Variants in NAALADL2 observed in about 807,000 individuals in gnomAD.
NAALADL2 encodes inactive N-acetylated-alpha-linked acidic dipeptidase-like protein 2.
In NAALADL2, 76 loss-of-function variants were observed where a neutral mutation model predicts 87.2. The observed-to-expected ratio is 0.87, with a 90% CI of 0.72 to 1.05. The LOEUF (loss-of-function observed/expected upper bound fraction) is 1.05, where lower values mean the gene tolerates loss of function less well. NAALADL2 is among the 50% of genes least tolerant of loss of function. The pLI is 0.00. For synonymous variants in NAALADL2, 354 were observed against 331.0 expected, an observed-to-expected ratio of 1.07 and a Z score of -0.75; for missense variants, 1,089 against 945.8, an observed-to-expected ratio of 1.15 and a Z score of -1.99.
At chr3:175,557,844 T>C (rs11915252) in intron 9 of NAALADL2, among the ~76,000 whole-genome samples, 97,935 of 152,038 alleles carry the variant, frequency 0.64, 34,165 homozygotes, top group East Asian at 0.84. Context: ...TGATGATTAA[T>C]GATATTGAGC....
intron 2 of NAALADL2, among the ~76,000 whole-genome samples, chr3:174,719,847 G>A (rs1731541756): frequency 1.3e-5 from 2 of 152,138 alleles, no homozygotes; most frequent in African/African-American, 4.8e-5. Context: ...AGCCTGGAGT[G>A]GAGTGCCAGC....
chr3:175,263,123 T>C (rs999921246), intron 4 of NAALADL2, among the ~76,000 whole-genome samples: 1 of 151,944 alleles, frequency 6.6e-6, no homozygotes, highest in African/African-American at 2.4e-5. Context: ...AATAGTTTAA[T>C]GTTTTGAAAG....
intron 4 of NAALADL2, among the ~76,000 whole-genome samples, chr3:175,303,214 G>T (rs1757302941): frequency 1.3e-5 from 2 of 152,008 alleles, no homozygotes; most frequent in Admixed American, 6.6e-5. Context: ...TTTGGCCCCA[G>T]AAATCATTGG....
chr3:175,689,681 C>T (rs925138642), intron 11 of NAALADL2, among the ~76,000 whole-genome samples: 1 of 152,062 alleles, frequency 6.6e-6, no homozygotes, highest in Non-Finnish European at 1.5e-5. Context: ...TAAATGTTTC[C>T]TTTCTTCTTG....
chr3:174,846,623 T>C (rs980512372), intron 3 of NAALADL2, among the ~76,000 whole-genome samples: 11 of 152,162 alleles, frequency 7.2e-5, no homozygotes, highest in African/African-American at 1.7e-4. Context: ...AACAAACATA[T>C]AGAAAAATAA....
chr3:175,602,339 C>A (rs569021635), intron 10 of NAALADL2, among the ~76,000 whole-genome samples: 51 of 152,022 alleles, frequency 3.4e-4, no homozygotes, highest in Admixed American at 2.6e-3. Context: ...TTGTTGAATG[C>A]ATAATGTAGG....
At chr3:175,120,564 A>G (rs562534661) in intron 2 of NAALADL2, among the ~76,000 whole-genome samples, 8 of 151,926 alleles carry the variant, frequency 5.3e-5, no homozygotes, top group African/African-American at 1.9e-4. Context: ...TCGATCAGAG[A>G]TAATGAAATT....
chr3:175,215,619 C>A (rs1478778894), intron 2 of NAALADL2, among the ~76,000 whole-genome samples: 3 of 152,146 alleles, frequency 2.0e-5, no homozygotes, highest in Non-Finnish European at 4.4e-5. Flanking sequence ...AGAAATTCTG[C>A]AAATAATGCT....
chr3:174,632,026 C>G (rs1336834840), intron 2 of NAALADL2: 1 of 152,160 alleles, frequency 6.6e-6, no homozygotes, highest in Non-Finnish European at 1.5e-5. Flanking sequence ...TCTGTAACTT[C>G]TAGACTTGTT....
chr3:175,478,762 G>A (rs575619062), intron 9 of NAALADL2, among the ~76,000 whole-genome samples: 53 of 151,836 alleles, frequency 3.5e-4, no homozygotes, highest in Non-Finnish European at 6.5e-4. Flanking sequence ...CTCAGGACAG[G>A]TATTAGTGAA....
intron 2 of NAALADL2, among the ~76,000 whole-genome samples, chr3:174,684,301 G>A (rs1023414465): frequency 3.3e-5 from 5 of 151,958 alleles, no homozygotes; most frequent in African/African-American, 2.4e-5. Flanking sequence ...ATTTAAACAC[G>A]ACTGAATGGG....
intron 3 of NAALADL2, among the ~76,000 whole-genome samples, chr3:174,825,755 C>T (rs1166885260): frequency 6.6e-6 from 1 of 152,146 alleles, no homozygotes; most frequent in Non-Finnish European, 1.5e-5. Context: ...GGGCCAGGCA[C>T]AGTGGCTCAC....
At chr3:174,721,567 C>A (rs1284867959) in intron 2 of NAALADL2, among the ~76,000 whole-genome samples, 1 of 152,114 alleles carries the variant, frequency 6.6e-6, no homozygotes, top group Non-Finnish European at 1.5e-5. Flanking sequence ...AATAAAATAA[C>A]GTTTGTGTCT....
At chr3:175,751,343 G>C (rs1368962295) in intron 12 of NAALADL2, among the ~76,000 whole-genome samples, 1 of 151,980 alleles carries the variant, frequency 6.6e-6, no homozygotes. Flanking sequence ...AAGGAATATG[G>C]AATATGATAC....
intron 1 of NAALADL2, among the ~76,000 whole-genome samples, chr3:174,995,648 C>T (rs1243804584): frequency 1.3e-5 from 2 of 151,970 alleles, no homozygotes; most frequent in Non-Finnish European, 2.9e-5. Context: ...TTTAAAGTTG[C>T]TTTTAAATAA....
At chr3:174,872,931 G>A (rs1354065562) in intron 1 of NAALADL2, among the ~76,000 whole-genome samples, 2 of 152,114 alleles carry the variant, frequency 1.3e-5, no homozygotes, top group Non-Finnish European at 2.9e-5. Flanking sequence ...TATTTTGAAA[G>A]CATTGTCTGG....
intron 2 of NAALADL2, among the ~76,000 whole-genome samples, chr3:174,570,171 T>A (rs1714760005): frequency 6.6e-6 from 1 of 152,152 alleles, no homozygotes; most frequent in South Asian, 2.1e-4. Context: ...AGTTTTTTTG[T>A]ATCTCTGTTC....
At chr3:174,955,961 A>G (rs1741088646) in intron 1 of NAALADL2, among the ~76,000 whole-genome samples, 2 of 152,020 alleles carry the variant, frequency 1.3e-5, no homozygotes, top group African/African-American at 2.4e-5. Flanking sequence ...TGCCAATCTT[A>G]TTGGATTGGT....
chr3:175,245,589 T>C (rs570183513), intron 3 of NAALADL2, among the ~76,000 whole-genome samples: 2 of 152,350 alleles, frequency 1.3e-5, no homozygotes, highest in South Asian at 4.1e-4. Context: ...TTTGTGCTAT[T>C]GAAACATAGT....
Sources: allele counts gnomAD v4.1 joint callset (sites outside exome capture counted in the v4.1 genomes callset), GRCh38; gene constraint gnomAD v4.1.1; transcripts MANE v1.5; gene names NCBI Gene and HGNC (gene_info 2026-07-23, HGNC 2026-07-21).